TRIM67: variants seen among roughly 807,000 people sequenced by gnomAD.
TRIM67 encodes the protein tripartite motif-containing protein 67.
TRIM67 carries 39 observed loss-of-function variants against 71.0 expected under a neutral mutation model. The observed-to-expected ratio is 0.55, with a 90% CI of 0.43 to 0.72. The LOEUF is 0.72. Ranked by LOEUF, TRIM67 falls within the 30% of genes least tolerant of loss-of-function variation. The pLI, the probability that TRIM67 is intolerant of heterozygous loss-of-function variation, is 0.00. For synonymous variants in TRIM67, 481 were observed against 473.9 expected, an observed-to-expected ratio of 1.01 and a Z score of -0.19; for missense variants, 973 against 1,079.2, an observed-to-expected ratio of 0.90 and a Z score of 1.38.
chr1:231,200,518 C>G (rs895258302), intron 4 of TRIM67, among the ~76,000 whole-genome samples: 2 of 152,216 alleles, frequency 1.3e-5, no homozygotes, highest in African/African-American at 4.8e-5. Context: ...ACATTTTCCC[C>G]AAAAGGACAG....
At chr1:231,185,118 C>A (rs539231508) in intron 1 of TRIM67, 1 of 1,532,926 alleles carries the variant, frequency 6.5e-7, no homozygotes, top group South Asian at 1.2e-5. Flanking sequence ...CTCCTAAATC[C>A]GAGTTGCTGG....
intron 6 of TRIM67, among the ~76,000 whole-genome samples, chr1:231,206,010 G>A (rs61315579): frequency 0.074 from 11,340 of 152,308 alleles, 656 homozygotes; most frequent in East Asian, 0.21. Flanking sequence ...TCGCCGCCTC[G>A]CAGGCAGAGG....
At position 231,203,980 on chromosome 1, in the gene TRIM67, G is replaced by A; in HGVS notation, c.1648G>A (p.Glu550Lys). The A allele has an allele frequency of 6.2e-7, 1 of 1,614,004 alleles. No individual in the cohort carries two copies. Among genetic ancestry groups the A allele is most frequent in the East Asian group, 2.2e-5 (1 of 44,894 alleles). Residue 550 changes from glutamate to lysine, a missense_variant, in exon 6 of 10, where the codon GAG (glutamate) becomes AAG (lysine). Glu to Lys is a moderately conservative substitution (Grantham distance 56). Coordinates refer to ENST00000366653, the MANE Select transcript of TRIM67 (RefSeq NM_001004342.5). Reference sequence around the variant, plus strand: ...CAGCCCCGTGGACGGCTACATCCTGGAGCTGGACGACGGTGCCGGGGGACA... The same window carrying A: ...CAGCCCCGTGGACGGCTACATCCTGAAGCTGGACGACGGTGCCGGGGGACA... ...THSPVDGYIL[E>K]LDDGAGGQFR... is the part of the protein sequence containing the mutation.
chr1:231,188,915 C>T lies in TRIM67; in HGVS notation c.1045-8456C>T, dbSNP rs1445333248. Among the ~76,000 whole-genome samples the T allele has an allele frequency of 2.0e-5, 3 of 152,200 alleles. No homozygotes were observed. The East Asian group carries it at 5.8e-4, about 29-fold the overall frequency. The stretch of plus-strand genomic sequence containing the variant: ...TGGGTTCGGGCAGTCAGACCTTTGT[C>T]CTGTGGCACAAAAATGACATTGTTC... On this transcript the variant is annotated intron_variant, in intron 1 of 9. Transcript: ENST00000366653.
At chr1:231,214,338 GTCC>G (rs1168810727) in intron 9 of TRIM67, among the ~76,000 whole-genome samples, 12 of 152,104 alleles carry the variant, frequency 7.9e-5, no homozygotes, top group Admixed American at 7.9e-4. Flanking sequence ...TCTTAGTAGA[GTCC>G]TCCTCCCCTT....
intron 1 of TRIM67, among the ~76,000 whole-genome samples, chr1:231,172,103 A>G (rs1198556483): frequency 2.0e-5 from 3 of 152,138 alleles, no homozygotes; most frequent in African/African-American, 7.2e-5. Context: ...CAAACAAACC[A>G]ACAAACCAAC....
chr1:231,189,973 C>A (rs1358802680), intron 1 of TRIM67, among the ~76,000 whole-genome samples: 2 of 152,154 alleles, frequency 1.3e-5, no homozygotes, highest in African/African-American at 4.8e-5. Flanking sequence ...CCAGCCCTGC[C>A]CATACCTTGA....
intron 1 of TRIM67, among the ~76,000 whole-genome samples, chr1:231,196,302 A>G (rs975978103): frequency 6.6e-6 from 1 of 152,152 alleles, no homozygotes; most frequent in African/African-American, 2.4e-5. Flanking sequence ...AATGAGAGTC[A>G]TGTAAAAATC....
chr1:231,185,946 C>T (rs1683061967), intron 1 of TRIM67: 7 of 709,510 alleles, frequency 9.9e-6, no homozygotes, highest in East Asian at 2.7e-5. Context: ...GATAAACGGC[C>T]GTGACAGCCG....
chr1:231,181,689 A>C (rs1425397402), intron 1 of TRIM67, among the ~76,000 whole-genome samples: 1 of 151,790 alleles, frequency 6.6e-6, no homozygotes, highest in Non-Finnish European at 1.5e-5. Flanking sequence ...TTTAGACTTG[A>C]TTTTTTTTCG....
chr1:231,204,649 G>GCGGA (rs1342387955), intron 6 of TRIM67, among the ~76,000 whole-genome samples: 1 of 152,146 alleles, frequency 6.6e-6, no homozygotes, highest in East Asian at 1.9e-4. Flanking sequence ...TGACGTTCAG[G>GCGGA]CGGACATGAA....
chr1:231,164,666 C>G lies in TRIM67; in HGVS notation c.1044+653C>G, dbSNP rs1682402376. On this transcript the variant is annotated intron_variant, in intron 1 of 9. Coordinates refer to ENST00000366653, the MANE Select transcript of TRIM67 (RefSeq NM_001004342.5). ...TCTGGAACTTCAGACACCAATTATT[C>G]CTTGTAGTCTTACCAGTAAACAGTC... Among the ~76,000 whole-genome samples, 3 of 152,172 alleles carry G rather than the reference C, an allele frequency of 2.0e-5. No individual in the cohort carries two copies. The South Asian group carries it at 6.2e-4, about 32-fold the overall frequency.
rs911342908 is a variant in TRIM67, at chr1:231,219,030, C to T, written c.*3590C>T. The T allele has an allele frequency of 1.3e-5, 13 of 985,466 alleles. No homozygotes were observed. The African/African-American group carries it at 1.9e-4, about 15-fold the overall frequency. The allele number at this position is 985,466 out of a possible 1,614,324, so 61.0% of individuals were successfully genotyped here. Reference sequence around the variant, plus strand: ...CCCCTGGGAAGGCGGGTTTCGGCACCGGTGGGCAGGTGGTTCAGTGTCAAG... The same window carrying T: ...CCCCTGGGAAGGCGGGTTTCGGCACTGGTGGGCAGGTGGTTCAGTGTCAAG... On this transcript the variant is annotated 3_prime_UTR_variant, in exon 10 of 10. Coordinates refer to ENST00000366653, the MANE Select transcript of TRIM67 (RefSeq NM_001004342.5).
chr1:231,200,192 G>A lies in TRIM67; in HGVS notation c.1308G>A (p.Gln436=). The change falls in exon 4 of 10, where the codon CAG becomes CAA. Residue 436 remains glutamine, a synonymous_variant. Coordinates refer to ENST00000366653, the MANE Select transcript of TRIM67 (RefSeq NM_001004342.5). ...ATCACTGCACATTGAAGCTGCGTCA[G>A]TCCACCGGACTGATGGAGTACTGCC... ...QINHCTLKLR[Q]STGLMEYCLE... is the part of the protein sequence containing the mutation. 1.9e-6 allele frequency: 3 copies of A among 1,613,994 alleles called. No individual in the cohort carries two copies. The highest frequency in any genetic ancestry group is 2.5e-6 in the Non-Finnish European group (3 of 1,179,868).
At chr1:231,201,987 T>A (rs867274362) in intron 5 of TRIM67, among the ~76,000 whole-genome samples, 5 of 1,282 alleles carry the variant, frequency 3.9e-3, no homozygotes, top group African/African-American at 0.011. Context: ...GTAGATGCCA[T>A]GCGGTGAGAT....
intron 1 of TRIM67, among the ~76,000 whole-genome samples, chr1:231,194,080 A>G (rs897618721): frequency 1.3e-5 from 2 of 152,192 alleles, no homozygotes; most frequent in Non-Finnish European, 2.9e-5. Context: ...TCACACTTCT[A>G]GCCTCCAGAA....
chr1:231,209,743 CAGTAG>C lies in TRIM67; in HGVS notation c.2123+494_2123+498del. On this transcript the variant is annotated intron_variant, in intron 8 of 9. Coordinates refer to ENST00000366653, the MANE Select transcript of TRIM67 (RefSeq NM_001004342.5). This position sits in a 1 kb window ranked among gnomAD's most constrained non-coding sequence, Gnocchi z 4.1. Reference sequence around the variant, plus strand: ...CGGCAGGGCCGGGCCCTTGACAGGGCAGTAGCAGAGGGCATGGCTGGGGTGCTCAC... The same window carrying C: ...CGGCAGGGCCGGGCCCTTGACAGGGCCAGAGGGCATGGCTGGGGTGCTCAC... 6.6e-6 allele frequency among the ~76,000 whole-genome samples: 1 copy of C among 152,332 alleles called. No individual in the cohort carries two copies. Among genetic ancestry groups the C allele is most frequent in the South Asian group, 2.1e-4 (1 of 4,830 alleles).
In TRIM67 at chr1:231,200,342, TC is replaced by T. The variant is rs1488431652; in HGVS notation, c.1374+86del. On this transcript the variant is annotated intron_variant, in intron 4 of 9. Transcript: ENST00000366653. ...AAATCAGCCCAAGTTCTAGGCAAGATCCTTTCACGGCTTGGATTGAGTAGAT... is the reference window on the plus strand; with the variant it reads ...AAATCAGCCCAAGTTCTAGGCAAGATCTTTCACGGCTTGGATTGAGTAGAT... 7 of 842,372 alleles carry T rather than the reference TC, an allele frequency of 8.3e-6. No individual in the cohort carries two copies. In the African/African-American group the frequency reaches 8.3e-5, roughly 10 times the overall value. 52.2% of individuals were successfully genotyped at this position (842,372 alleles called of 1,614,324 possible).
chr1:231,198,282 TA>T (rs1360563788), intron 2 of TRIM67, among the ~76,000 whole-genome samples: 1 of 152,156 alleles, frequency 6.6e-6, no homozygotes, highest in African/African-American at 2.4e-5. Flanking sequence ...GGTCTGTCTA[TA>T]GGGGAGAACG....
Sources: gnomAD v4.1 joint callset for allele counts (sites outside exome capture counted in the v4.1 genomes callset) on GRCh38, gnomAD v4.1.1 for gene constraint, Gnocchi (gnomAD v3.1) non-coding constraint, MANE v1.5 for transcripts, NCBI Gene and HGNC (gene_info 2026-07-23, HGNC 2026-07-21) for gene names.